The following ZNF804B variants were observed in gnomAD, a reference collection of about 807,000 sequenced individuals.
ZNF804B encodes zinc finger protein 804B.
Under a neutral mutation model 101.4 loss-of-function variants are expected in ZNF804B, and 80 were observed. The observed-to-expected ratio is 0.79, with a 90% CI of 0.66 to 0.95. The LOEUF (loss-of-function observed/expected upper bound fraction) is 0.95, where lower values mean the gene tolerates loss of function less well. Ranked by LOEUF, ZNF804B falls within the 40% of genes least tolerant of loss-of-function variation. The probability of loss-of-function intolerance (pLI) is 0.00; values close to 1 mark genes in which losing one functional copy is unlikely to be tolerated. For synonymous variants in ZNF804B, 622 were observed against 558.8 expected (o/e 1.11, Z -1.59); for missense variants, 1,673 against 1,561.9 (o/e 1.07, Z -1.20).
chr7:89,188,749 G>A (rs564894589), intron 1 of ZNF804B, among the ~76,000 whole-genome samples: 1 of 152,110 alleles, frequency 6.6e-6, no homozygotes, highest in African/African-American at 2.4e-5. Flanking sequence ...ATTCCCTTAA[G>A]CAAAAGCCTA....
At chr7:88,832,602 C>CA (rs555676796) in intron 1 of ZNF804B, among the ~76,000 whole-genome samples, 1,601 of 141,856 alleles carry the variant, frequency 0.011, 34 homozygotes, top group African/African-American at 0.037. Context: ...CTTGGTCCTG[C>CA]AAAAAAAAAA....
intron 1 of ZNF804B, among the ~76,000 whole-genome samples, chr7:89,141,839 A>C (rs1280797859): frequency 6.6e-6 from 1 of 151,452 alleles, no homozygotes; most frequent in Non-Finnish European, 1.5e-5. Flanking sequence ...CTAGGAGGGG[A>C]CTTCCAAAAG....
chr7:89,069,502 T>C (rs888928376), intron 1 of ZNF804B, among the ~76,000 whole-genome samples: 1 of 131,934 alleles, frequency 7.6e-6, no homozygotes. Context: ...TTCCTTTAAT[T>C]TTTTTTAATG....
chr7:89,058,400 T>C (rs1789327985), intron 1 of ZNF804B, among the ~76,000 whole-genome samples: 1 of 118,426 alleles, frequency 8.4e-6, no homozygotes, highest in Non-Finnish European at 2.0e-5. Flanking sequence ...TAATTTTATA[T>C]TGATATTATC....
At chr7:88,899,742 C>T (rs960383275) in intron 1 of ZNF804B, among the ~76,000 whole-genome samples, 15 of 152,178 alleles carry the variant, frequency 9.9e-5, no homozygotes, top group African/African-American at 3.4e-4. Context: ...TAACTTTCTA[C>T]TGTTAGCTCC....
intron 1 of ZNF804B, among the ~76,000 whole-genome samples, chr7:88,914,066 C>T (rs1792593829): frequency 6.6e-6 from 1 of 152,108 alleles, no homozygotes; most frequent in African/African-American, 2.4e-5. Flanking sequence ...ATTGAATGTG[C>T]CTACCAGGCT....
chr7:89,277,972 T>A (rs531891384), intron 2 of ZNF804B, among the ~76,000 whole-genome samples: 36 of 152,264 alleles, frequency 2.4e-4, no homozygotes, highest in Middle Eastern at 3.4e-3. Flanking sequence ...ACCAACAGTG[T>A]AAAAGTGTTC....
chr7:89,098,026 C>T (rs1029438), intron 1 of ZNF804B, among the ~76,000 whole-genome samples: 1 of 151,816 alleles, frequency 6.6e-6, no homozygotes, highest in East Asian at 1.9e-4. Flanking sequence ...ACATTCTTAT[C>T]GTGCACTAGC....
chr7:89,052,953 T>G (rs925938078), intron 1 of ZNF804B, among the ~76,000 whole-genome samples: 6 of 152,166 alleles, frequency 3.9e-5, no homozygotes, highest in Admixed American at 1.3e-4. Context: ...CTTGTCTGTA[T>G]TCCTCCAGCT....
intron 1 of ZNF804B, among the ~76,000 whole-genome samples, chr7:89,023,359 C>T (rs1185155848): frequency 6.6e-6 from 1 of 152,146 alleles, no homozygotes; most frequent in Non-Finnish European, 1.5e-5. Flanking sequence ...TAGATGAATT[C>T]ATTTACTGAG....
Position 88,868,908 on chromosome 7 carries a change from G to A in ZNF804B, c.108+108824G>A, listed in dbSNP as rs559900651. ...TCGCATTTTAATGATTCAAGTCTAG[G>A]TATATCACAAGTGCAGCCTGTTTAT... On this transcript the variant is annotated intron_variant, in intron 1 of 3. Transcript: ENST00000333190. Among the ~76,000 whole-genome samples the A allele has an allele frequency of 2.6e-5, 4 of 152,302 alleles. No homozygotes were observed. In the East Asian group the frequency reaches 7.7e-4, roughly 29 times the overall value.
intron 1 of ZNF804B, among the ~76,000 whole-genome samples, chr7:88,937,224 A>G (rs1409719010): frequency 6.6e-6 from 1 of 152,040 alleles, no homozygotes; most frequent in African/African-American, 2.4e-5. Flanking sequence ...TGACAGGGGA[A>G]GGCCAAATCT....
chr7:89,227,423 G>T (rs1789106125), intron 2 of ZNF804B, among the ~76,000 whole-genome samples: 1 of 152,078 alleles, frequency 6.6e-6, no homozygotes, highest in African/African-American at 2.4e-5. Flanking sequence ...CCAAATGCTG[G>T]AGATTCATTA....
intron 1 of ZNF804B, among the ~76,000 whole-genome samples, chr7:89,099,215 A>G (rs59555888): frequency 0.023 from 3,451 of 152,094 alleles, 157 homozygotes; most frequent in African/African-American, 0.079. Context: ...AGGTGAGATT[A>G]CAGAGCTAAA....
intron 1 of ZNF804B, among the ~76,000 whole-genome samples, chr7:89,105,386 G>A (rs1172024882): frequency 2.0e-5 from 3 of 152,086 alleles, no homozygotes; most frequent in South Asian, 4.1e-4. Context: ...TCCATGGATA[G>A]CTTTTAACTT....
intron 1 of ZNF804B, among the ~76,000 whole-genome samples, chr7:88,885,422 C>G (rs577749230): frequency 6.6e-6 from 1 of 151,340 alleles, no homozygotes; most frequent in East Asian, 1.9e-4. Context: ...CTGATTTTGG[C>G]TAAACAATAC....
chr7:89,224,525 T>C (rs181997758), intron 2 of ZNF804B, among the ~76,000 whole-genome samples: 2 of 152,138 alleles, frequency 1.3e-5, no homozygotes, highest in Non-Finnish European at 2.9e-5. Context: ...CCAAGTGATA[T>C]ATAGTATGTT....
At chr7:88,853,916 G>T (rs1791483155) in intron 1 of ZNF804B, among the ~76,000 whole-genome samples, 1 of 152,024 alleles carries the variant, frequency 6.6e-6, no homozygotes, top group South Asian at 2.1e-4. Context: ...TGGTGCTAAT[G>T]ATAAGATTAA....
intron 2 of ZNF804B, among the ~76,000 whole-genome samples, chr7:89,308,857 T>A (rs1790607600): frequency 6.6e-6 from 1 of 152,214 alleles, no homozygotes; most frequent in Non-Finnish European, 1.5e-5. Flanking sequence ...TTATATTTAT[T>A]TACAAAAGGA....
Sources: allele counts gnomAD v4.1 joint callset (sites outside exome capture counted in the v4.1 genomes callset), GRCh38; gene constraint gnomAD v4.1.1; transcripts MANE v1.5; gene names NCBI Gene and HGNC (gene_info 2026-07-23, HGNC 2026-07-21).